Variants in PTPRD observed in about 807,000 individuals in gnomAD.
PTPRD encodes receptor-type tyrosine-protein phosphatase delta.
In PTPRD, 34 loss-of-function variants were observed where a neutral mutation model predicts 214.5. The ratio of observed to expected loss-of-function variants is 0.16; its 90% CI spans 0.12 to 0.21. The LOEUF (loss-of-function observed/expected upper bound fraction) is 0.21, where lower values mean the gene tolerates loss of function less well. Ranked by LOEUF, PTPRD falls within the 10% of genes least tolerant of loss-of-function variation. The probability of loss-of-function intolerance (pLI) is 1.00; values close to 1 mark genes in which losing one functional copy is unlikely to be tolerated. For missense variants in PTPRD, 2,545 were observed against 2,398.7 expected (o/e 1.06, Z -1.27); for synonymous variants, 1,128 against 845.7 (o/e 1.33, Z -5.79).
intron 11 of PTPRD, among the ~76,000 whole-genome samples, chr9:8,956,876 A>G (rs984014206): frequency 6.6e-6 from 1 of 151,842 alleles, no homozygotes; most frequent in African/African-American, 2.4e-5. Flanking sequence ...GGCCCCACTC[A>G]AGACTAATTA....
intron 11 of PTPRD, among the ~76,000 whole-genome samples, chr9:8,842,434 A>G (rs1384642070): frequency 6.6e-6 from 1 of 152,244 alleles, no homozygotes; most frequent in African/African-American, 2.4e-5. Flanking sequence ...GGGTAACATC[A>G]GTATCCCTTT....
chr9:8,727,642 TTTTG>T (rs139992060), intron 12 of PTPRD, among the ~76,000 whole-genome samples: 17,818 of 151,450 alleles, frequency 0.12, 1,079 homozygotes, highest in South Asian at 0.18. Context: ...TTTAGGTGTT[TTTTG>T]TTTGTTTGTT....
intron 3 of PTPRD, among the ~76,000 whole-genome samples, chr9:10,105,408 G>C (rs1377914559): frequency 6.6e-6 from 1 of 151,864 alleles, no homozygotes; most frequent in Non-Finnish European, 1.5e-5. Flanking sequence ...TACATTTAGA[G>C]AGGAATGTTA....
chr9:9,317,963 G>A (rs1402749664), intron 9 of PTPRD, among the ~76,000 whole-genome samples: 1 of 152,076 alleles, frequency 6.6e-6, no homozygotes, highest in Non-Finnish European at 1.5e-5. Context: ...CTTGAGGTCT[G>A]GAGTTCAAGA....
At chr9:8,531,040 C>G (rs552641828) in intron 14 of PTPRD, among the ~76,000 whole-genome samples, 1 of 152,014 alleles carries the variant, frequency 6.6e-6, no homozygotes, top group Admixed American at 6.6e-5. Context: ...ACTAAACACA[C>G]TTATAAAAAT....
At chr9:9,930,534 C>A (rs10978100) in intron 5 of PTPRD, among the ~76,000 whole-genome samples, 1 of 151,900 alleles carries the variant, frequency 6.6e-6, no homozygotes, top group African/African-American at 2.4e-5. Flanking sequence ...GGATAAAGAA[C>A]TGCAGAAAAA....
At chr9:9,737,580 A>C (rs968468641) in intron 6 of PTPRD, among the ~76,000 whole-genome samples, 2 of 152,292 alleles carry the variant, frequency 1.3e-5, no homozygotes, top group African/African-American at 4.8e-5. Flanking sequence ...TACACTTCAT[A>C]TAAATGGAAT....
intron 3 of PTPRD, among the ~76,000 whole-genome samples, chr9:10,085,535 C>T (rs1489606266): frequency 6.6e-6 from 1 of 151,700 alleles, no homozygotes; most frequent in African/African-American, 2.4e-5. Context: ...CACAATATGT[C>T]ATAAGAGATG....
chr9:8,407,570 C>T (rs1390251396), intron 35 of PTPRD, among the ~76,000 whole-genome samples: 3 of 152,106 alleles, frequency 2.0e-5, no homozygotes, highest in Non-Finnish European at 4.4e-5. Context: ...AGAAGCCCAA[C>T]TTAAGAAACA....
chr9:8,782,876 C>A lies in PTPRD; in HGVS notation c.-103-48930G>T, dbSNP rs572953593. On this transcript the variant is annotated intron_variant, in intron 11 of 45. Transcript: ENST00000381196. ...CCCGCAAAGGGCTGGGATTACAGGC[C>A]TGAGCCACCACGCCTGGCCTACACT... Among the ~76,000 whole-genome samples, 14 of 152,136 alleles carry A rather than the reference C, an allele frequency of 9.2e-5. No homozygotes were observed. The South Asian group carries it at 1.0e-3, about 11-fold the overall frequency.
intron 2 of PTPRD, among the ~76,000 whole-genome samples, chr9:10,416,870 A>G (rs1392260032): frequency 6.6e-6 from 1 of 151,908 alleles, no homozygotes; most frequent in African/African-American, 2.4e-5. Context: ...GCAAGGAGAG[A>G]GTTCTGAGGT....
At chr9:9,418,848 G>T (rs567875491) in intron 8 of PTPRD, among the ~76,000 whole-genome samples, 1 of 151,900 alleles carries the variant, frequency 6.6e-6, no homozygotes, top group African/African-American at 2.4e-5. Flanking sequence ...GAGAAGAAAT[G>T]ATTAATTTTG....
chr9:9,883,444 T>C (rs2069547475), intron 5 of PTPRD, among the ~76,000 whole-genome samples: 1 of 152,054 alleles, frequency 6.6e-6, no homozygotes, highest in Non-Finnish European at 1.5e-5. Flanking sequence ...GGAGGTCAAC[T>C]AGGAGAACAG....
At chr9:8,726,960 C>A (rs1458718069) in intron 12 of PTPRD, among the ~76,000 whole-genome samples, 1 of 151,282 alleles carries the variant, frequency 6.6e-6, no homozygotes, top group African/African-American at 2.4e-5. Flanking sequence ...GGCAGCAGAG[C>A]CAGACCCTGT....
intron 11 of PTPRD, among the ~76,000 whole-genome samples, chr9:8,933,070 TGCACCGTTCCTCATG>T (rs974990983): frequency 1.6e-4 from 24 of 151,888 alleles, no homozygotes; most frequent in African/African-American, 5.8e-4. Context: ...TGGACCAGAG[TGCACCGTTCCTCATG>T]GCACAGTCCT....
chr9:8,861,820 G>A (rs933791132), intron 11 of PTPRD: 2 of 152,106 alleles, frequency 1.3e-5, no homozygotes, highest in Non-Finnish European at 2.9e-5. Context: ...AAGAGAGTGA[G>A]GAATTTCATA....
intron 31 of PTPRD, among the ~76,000 whole-genome samples, chr9:8,470,238 T>C (rs906340574): frequency 2.0e-5 from 3 of 152,124 alleles, no homozygotes; most frequent in Middle Eastern, 3.2e-3. Context: ...TCTGGGGATC[T>C]AGCTCAACAC....
chr9:10,258,979 T>A (rs572551251), intron 3 of PTPRD, among the ~76,000 whole-genome samples: 1 of 152,258 alleles, frequency 6.6e-6, no homozygotes, highest in African/African-American at 2.4e-5. Context: ...AAGGTATCTG[T>A]TTCTGTTGTT....
chr9:10,092,907 G>A (rs1333558025), intron 3 of PTPRD, among the ~76,000 whole-genome samples: 1 of 151,352 alleles, frequency 6.6e-6, no homozygotes, highest in African/African-American at 2.4e-5. Context: ...ATATACAGAC[G>A]AATGAAACTG....
Sources: allele counts gnomAD v4.1 joint callset (sites outside exome capture counted in the v4.1 genomes callset), GRCh38; gene constraint gnomAD v4.1.1; transcripts MANE v1.5; gene names NCBI Gene and HGNC (gene_info 2026-07-23, HGNC 2026-07-21).